The following SOX5 variants were observed in gnomAD, a reference collection of about 807,000 sequenced individuals.
SOX5 encodes the protein transcription factor SOX-5.
A neutral mutation model predicts 92.0 loss-of-function variants in SOX5; 9 were observed. The ratio of observed to expected loss-of-function variants is 0.10; its 90% CI spans 0.06 to 0.17. The LOEUF is 0.17. SOX5 is among the 10% of genes least tolerant of loss of function. SOX5 has a pLI of 1.00. For missense variants in SOX5, 642 were observed against 944.5 expected (o/e 0.68, Z 4.20); for synonymous variants, 344 against 336.3 (o/e 1.02, Z -0.25).
intron 2 of SOX5, among the ~76,000 whole-genome samples, chr12:24,304,310 A>G (rs1223266482): frequency 6.6e-6 from 1 of 152,210 alleles, no homozygotes; most frequent in Non-Finnish European, 1.5e-5. Context: ...TGTTGGGTAG[A>G]AGAATGGAAA....
chr12:24,329,442 G>A (rs1249894922), intron 2 of SOX5, among the ~76,000 whole-genome samples: 1 of 152,064 alleles, frequency 6.6e-6, no homozygotes, highest in Non-Finnish European at 1.5e-5. Flanking sequence ...GAACAACATG[G>A]GGGAAAAGGC....
chr12:24,144,604 G>C lies in SOX5; in HGVS notation c.-2+68739C>G, dbSNP rs76369347. Among the ~76,000 whole-genome samples the C allele has an allele frequency of 2.8e-3, 426 of 152,188 alleles. 1 individual carries two copies. Among genetic ancestry groups the C allele is most frequent in the Middle Eastern group, 0.02 (6 of 294 alleles). Reference sequence around the variant, plus strand: ...GAGGATCGCTTGACACCAGGAGTTTGAGATCAGACTCAAACTTGGTGTGGT... The same window carrying C: ...GAGGATCGCTTGACACCAGGAGTTTCAGATCAGACTCAAACTTGGTGTGGT... On this transcript the variant is annotated intron_variant, in intron 4 of 4. Transcript: ENST00000446891.
rs543141225 is a variant in SOX5 at position 23,659,105 on chromosome 12, T to C, written c.931+6339A>G. ...TAGCACTCATCACCAATAACCTGTA[T>C]GTCAGCTGACATAGCTGACACCGTT... On this transcript the variant is annotated intron_variant, in intron 7 of 14. Coordinates refer to ENST00000451604, the MANE Select transcript of SOX5 (RefSeq NM_006940.6). 2.6e-5 allele frequency among the ~76,000 whole-genome samples: 4 copies of C among 152,316 alleles called. 1 individual carries two copies. Among genetic ancestry groups the C allele is most frequent in the South Asian group, 2.1e-4 (1 of 4,828 alleles).
At chr12:24,250,164 C>A (rs1939746214) in intron 3 of SOX5, among the ~76,000 whole-genome samples, 1 of 152,172 alleles carries the variant, frequency 6.6e-6, no homozygotes, top group African/African-American at 2.4e-5. Context: ...AAAAGAGTTG[C>A]TACTACTACA....
At chr12:23,597,988 A>G (rs1341901660) in intron 9 of SOX5, among the ~76,000 whole-genome samples, 1 of 152,200 alleles carries the variant, frequency 6.6e-6, no homozygotes, top group African/African-American at 2.4e-5. Context: ...CAACAGTTTC[A>G]GGATGGATCA....
intron 9 of SOX5, among the ~76,000 whole-genome samples, chr12:23,603,080 A>G (rs1468218891): frequency 2.0e-5 from 3 of 152,024 alleles, no homozygotes; most frequent in Non-Finnish European, 4.4e-5. Flanking sequence ...GTCCAGGTTA[A>G]GTTATATTCC....
At chr12:23,956,903 A>C (rs1946354811) in intron 4 of SOX5, among the ~76,000 whole-genome samples, 1 of 152,098 alleles carries the variant, frequency 6.6e-6, no homozygotes, top group Non-Finnish European at 1.5e-5. Flanking sequence ...ACCTCAGGTG[A>C]TCTGCCCAGC....
chr12:24,444,524 T>A (rs1055399618), intron 1 of SOX5, among the ~76,000 whole-genome samples: 7 of 152,160 alleles, frequency 4.6e-5, no homozygotes, highest in African/African-American at 1.7e-4. Flanking sequence ...TGAAATGTAT[T>A]TGAATTCAAC....
At chr12:23,993,050 G>T (rs940616726) in intron 4 of SOX5, among the ~76,000 whole-genome samples, 1 of 152,170 alleles carries the variant, frequency 6.6e-6, no homozygotes, top group African/African-American at 2.4e-5. Flanking sequence ...GATTGAGACA[G>T]TTCCTCAAAA....
intron 1 of SOX5, among the ~76,000 whole-genome samples, chr12:24,431,253 A>G (rs139075144): frequency 4.6e-5 from 7 of 152,316 alleles, no homozygotes; most frequent in African/African-American, 1.4e-4. Context: ...TCTGACTATG[A>G]TGCATGGATG....
In SOX5 at chr12:24,547,265, C is replaced by G. The variant is rs183432168; in HGVS notation, c.-251+15064G>C. On this transcript the variant is annotated intron_variant, in intron 1 of 4. Transcript: ENST00000446891. Reference sequence around the variant, plus strand: ...GGACTGCAGTGGCGCAATCTCGGCTCAATGCAAGCTCCGCTTCCCGGGTTC... The same window carrying G: ...GGACTGCAGTGGCGCAATCTCGGCTGAATGCAAGCTCCGCTTCCCGGGTTC... 1.0e-2 allele frequency among the ~76,000 whole-genome samples: 1,454 copies of G among 146,034 alleles called. 20 individuals carry two copies. Among genetic ancestry groups the G allele is most frequent in the Middle Eastern group, 0.057 (14 of 246 alleles).
At chr12:23,680,905 T>TA (rs2086520109) in intron 6 of SOX5, among the ~76,000 whole-genome samples, 1 of 47,592 alleles carries the variant, frequency 2.1e-5, no homozygotes, top group Non-Finnish European at 5.2e-5. Context: ...AGGCCAGTGA[T>TA]TTTCCATAAA....
intron 1 of SOX5, among the ~76,000 whole-genome samples, chr12:24,422,580 T>G (rs932758370): frequency 6.6e-6 from 1 of 152,228 alleles, no homozygotes; most frequent in East Asian, 1.9e-4. Context: ...TTTCATAACT[T>G]ATTCTAACCC....
chr12:23,908,159 A>G (rs1175043205), intron 1 of SOX5, among the ~76,000 whole-genome samples: 1 of 152,190 alleles, frequency 6.6e-6, no homozygotes, highest in Non-Finnish European at 1.5e-5. Flanking sequence ...AATGATGACA[A>G]AAATAATTAA....
intron 3 of SOX5, among the ~76,000 whole-genome samples, chr12:23,772,933 C>G (rs561936722): frequency 6.6e-6 from 1 of 152,100 alleles, no homozygotes; most frequent in African/African-American, 2.4e-5. Context: ...CAACATTTTG[C>G]TTTTTCAAGC....
At chr12:24,286,238 G>A (rs148820231) in intron 2 of SOX5, among the ~76,000 whole-genome samples, 1 of 152,262 alleles carries the variant, frequency 6.6e-6, no homozygotes, top group Admixed American at 6.5e-5. Context: ...ATCAAATGTA[G>A]GTAAAACTAA....
At chr12:24,280,023 GT>G (rs201766705) in intron 2 of SOX5, among the ~76,000 whole-genome samples, 7 of 150,880 alleles carry the variant, frequency 4.6e-5, no homozygotes, top group Admixed American at 1.3e-4. Flanking sequence ...TTAAATCATT[GT>G]TTTTTTTTCT....
chr12:23,941,752 T>C (rs558798027), intron 1 of SOX5, among the ~76,000 whole-genome samples: 40 of 151,746 alleles, frequency 2.6e-4, no homozygotes, highest in African/African-American at 9.4e-4. Flanking sequence ...CTAAACTGAA[T>C]AGTTTGAGCA....
chr12:24,165,917 A>T (rs1470549651), intron 4 of SOX5, among the ~76,000 whole-genome samples: 1 of 152,174 alleles, frequency 6.6e-6, no homozygotes, highest in Non-Finnish European at 1.5e-5. Context: ...TATATATGAA[A>T]TATGTGAGAT....
Sources: gnomAD v4.1 joint callset for allele counts (sites outside exome capture counted in the v4.1 genomes callset) on GRCh38, gnomAD v4.1.1 for gene constraint, MANE v1.5 for transcripts, NCBI Gene and HGNC (gene_info 2026-07-23, HGNC 2026-07-21) for gene names.